The following PARD3B variants were observed in gnomAD, a reference collection of about 807,000 sequenced individuals.
PARD3B encodes the protein par-3 family cell polarity regulator beta, also known as partitioning defective 3 homolog B.
In PARD3B, 103 loss-of-function variants were observed where a neutral mutation model predicts 130.2. The observed-to-expected ratio is 0.79, with a 90% CI of 0.67 to 0.93. PARD3B has a LOEUF of 0.93. Among genes scored for constraint, PARD3B ranks in the 40% least tolerant of loss-of-function variants. The probability of loss-of-function intolerance (pLI) is 0.00; values close to 1 mark genes in which losing one functional copy is unlikely to be tolerated. For synonymous variants in PARD3B, 583 were observed against 553.2 expected, an observed-to-expected ratio of 1.05 and a Z score of -0.76; for missense variants, 1,609 against 1,499.2, an observed-to-expected ratio of 1.07 and a Z score of -1.21.
intron 2 of PARD3B, among the ~76,000 whole-genome samples, chr2:204,725,610 T>C (rs1461854753): frequency 1.3e-5 from 2 of 152,194 alleles, no homozygotes; most frequent in African/African-American, 2.4e-5. Flanking sequence ...TGTTAAAGTC[T>C]AAGATATCTA....
intron 2 of PARD3B, among the ~76,000 whole-genome samples, chr2:204,752,087 G>T (rs1374441198): frequency 6.6e-6 from 1 of 152,082 alleles, no homozygotes; most frequent in Non-Finnish European, 1.5e-5. Context: ...TATCTGATAA[G>T]CATAATCATT....
Position 205,470,902 on chromosome 2 carries a change from G to A in PARD3B, c.3045-28994G>A. Among the ~76,000 whole-genome samples, 1 of 152,202 alleles carries A rather than the reference G, an allele frequency of 6.6e-6. No homozygotes were observed. The highest frequency in any genetic ancestry group is 1.9e-4 in the East Asian group (1 of 5,196). On this transcript the variant is annotated intron_variant, in intron 20 of 22. Coordinates refer to ENST00000406610, the MANE Select transcript of PARD3B (RefSeq NM_001302769.2). The surrounding 1 kb of genome is among the most constrained non-coding windows in gnomAD (Gnocchi z 4.8). ...GGAAGGATACTTTAAAACAAAGTGT[G>A]TTTTCAAGTGTTTCACGTGTGTTTC... is the stretch of plus-strand genomic sequence containing the variant.
chr2:204,681,736 G>A (rs2036844734), intron 1 of PARD3B, among the ~76,000 whole-genome samples: 2 of 152,144 alleles, frequency 1.3e-5, no homozygotes, highest in Admixed American at 6.6e-5. Flanking sequence ...CTGCAGACAT[G>A]CTCTGTCACC....
At chr2:204,842,586 A>AG (rs767847092) in intron 2 of PARD3B, among the ~76,000 whole-genome samples, 6 of 152,192 alleles carry the variant, frequency 3.9e-5, no homozygotes, top group Non-Finnish European at 7.3e-5. Context: ...TAAAACATTA[A>AG]GGGGGTTTTT....
chr2:205,536,888 T>A (rs537025834), intron 21 of PARD3B, among the ~76,000 whole-genome samples: 2 of 152,280 alleles, frequency 1.3e-5, no homozygotes, highest in South Asian at 4.1e-4. Flanking sequence ...GATTTATAGA[T>A]GGACATGGCA....
At chr2:205,005,003 C>T (rs868318682) in intron 3 of PARD3B, among the ~76,000 whole-genome samples, 2 of 152,102 alleles carry the variant, frequency 1.3e-5, no homozygotes, top group African/African-American at 4.8e-5. Context: ...TTTCATACTC[C>T]ACAACCAACC....
At chr2:204,600,868 T>C (rs897210474) in intron 1 of PARD3B, among the ~76,000 whole-genome samples, 5 of 151,900 alleles carry the variant, frequency 3.3e-5, no homozygotes, top group Non-Finnish European at 5.9e-5. Context: ...ATGATTGTCA[T>C]GTGTGGACTT....
intron 16 of PARD3B, among the ~76,000 whole-genome samples, chr2:205,266,673 T>A (rs376627130): frequency 6.4e-4 from 98 of 152,142 alleles, no homozygotes; most frequent in African/African-American, 2.2e-3. Context: ...CTCTGAATAA[T>A]TTCAAGAAAC....
At chr2:204,699,407 C>T (rs1347031396) in intron 2 of PARD3B, among the ~76,000 whole-genome samples, 2 of 152,102 alleles carry the variant, frequency 1.3e-5, no homozygotes. Flanking sequence ...TCTGAAGTGG[C>T]TACATGGCTG....
At chr2:205,360,662 G>A (rs948477629) in intron 18 of PARD3B, among the ~76,000 whole-genome samples, 4 of 152,116 alleles carry the variant, frequency 2.6e-5, no homozygotes, top group South Asian at 4.2e-4. Context: ...GGGGCATACC[G>A]TGTCATGGCC....
In PARD3B at chr2:205,158,741, G is replaced by A. The variant is rs181055912; in HGVS notation, c.1454G>A (p.Cys485Tyr). 566 of 1,613,840 alleles carry A rather than the reference G, an allele frequency of 3.5e-4. 3 individuals carry two copies. In the African/African-American group the frequency reaches 6.7e-3, roughly 19 times the overall value. The change falls in exon 11 of 23, where the codon TGT (cysteine) becomes TAT (tyrosine). Residue 485 changes from cysteine to tyrosine, a missense_variant. Physicochemically the swap from Cys to Tyr is radical, Grantham distance 194 (BLOSUM62 -2). Transcript: ENST00000406610. The surrounding 1 kb of genome is among the most constrained non-coding windows in gnomAD (Gnocchi z 5.4). The part of the protein sequence containing the change: ...PRELKGEPDC[C>Y]ALSLETSEQL... ...TAACAGAAAGGAGAACCTGACTGCT[G>A]TGCACTCTCTCTGGAGACAAGCGAG...
At chr2:204,749,650 G>A (rs1387205527) in intron 2 of PARD3B, among the ~76,000 whole-genome samples, 1 of 152,036 alleles carries the variant, frequency 6.6e-6, no homozygotes, top group Non-Finnish European at 1.5e-5. Context: ...TTTCTCCTTG[G>A]TTCTCGATAC....
chr2:205,029,191 G>A (rs562007686), intron 3 of PARD3B, among the ~76,000 whole-genome samples: 17 of 152,160 alleles, frequency 1.1e-4, no homozygotes, highest in African/African-American at 3.9e-4. Flanking sequence ...TATGCACTTG[G>A]TTTTCATTAT....
chr2:205,158,974 G>A lies in PARD3B; in HGVS notation c.1620+67G>A. 2 of 1,535,190 alleles carry A rather than the reference G, an allele frequency of 1.3e-6. No homozygotes were observed. The highest frequency in any genetic ancestry group is 8.9e-7 in the Non-Finnish European group (1 of 1,118,782). ...TGGAGATGTGACTGTTGTACTTAGAGACTGAATGGAGAAAGTGTCTGAAGA... is the reference window on the plus strand; with the variant it reads ...TGGAGATGTGACTGTTGTACTTAGAAACTGAATGGAGAAAGTGTCTGAAGA... On this transcript the variant is annotated intron_variant, in intron 11 of 22. Transcript: ENST00000406610. This position sits in a 1 kb window ranked among gnomAD's most constrained non-coding sequence, Gnocchi z 5.4.
intron 2 of PARD3B, among the ~76,000 whole-genome samples, chr2:204,715,892 C>T (rs896745016): frequency 1.3e-5 from 2 of 152,146 alleles, no homozygotes; most frequent in African/African-American, 4.8e-5. Flanking sequence ...AATTATCTCT[C>T]TGCTCCGTGA....
intron 18 of PARD3B, among the ~76,000 whole-genome samples, chr2:205,380,791 TATATATAATATATAAAGA>T (rs1205463377): frequency 9.8e-6 from 1 of 101,726 alleles, no homozygotes. Context: ...GAATATACAT[TATATATAATATATAAAGA>T]ATATATTATA....
intron 15 of PARD3B, among the ~76,000 whole-genome samples, chr2:205,224,502 C>T (rs1484220005): frequency 2.6e-5 from 4 of 151,330 alleles, no homozygotes. Flanking sequence ...ATTTTTGTGC[C>T]CATTCATCAT....
intron 10 of PARD3B, among the ~76,000 whole-genome samples, chr2:205,150,243 GTGTGTGTGTGCA>G (rs766333976): frequency 3.1e-5 from 4 of 130,936 alleles, no homozygotes; most frequent in Non-Finnish European, 6.7e-5. Context: ...GTGTGTGTGT[GTGTGTGTGTGCA>G]CACACGCTTG....
At chr2:204,663,109 GC>G (rs762050948) in intron 1 of PARD3B, among the ~76,000 whole-genome samples, 32 of 152,162 alleles carry the variant, frequency 2.1e-4, no homozygotes, top group Admixed American at 1.2e-3. Flanking sequence ...ATCCCAGTTC[GC>G]CATGACGAAC....
Sources: gnomAD v4.1 joint callset for allele counts (sites outside exome capture counted in the v4.1 genomes callset) on GRCh38, gnomAD v4.1.1 for gene constraint, Gnocchi (gnomAD v3.1) non-coding constraint, MANE v1.5 for transcripts, NCBI Gene and HGNC (gene_info 2026-07-23, HGNC 2026-07-21) for gene names.